CNGA1: variants seen among roughly 807,000 people sequenced by gnomAD.
The protein encoded by CNGA1 is cyclic nucleotide-gated channel alpha-1.
Under a neutral mutation model 69.7 loss-of-function variants are expected in CNGA1, and 53 were observed. The observed-to-expected ratio is 0.76, with a 90% CI of 0.61 to 0.96. The LOEUF is 0.96. Among genes scored for constraint, CNGA1 ranks in the 40% least tolerant of loss-of-function variants. The probability of loss-of-function intolerance (pLI) is 0.00; values close to 1 mark genes in which losing one functional copy is unlikely to be tolerated. For missense variants in CNGA1, 739 were observed against 811.2 expected (o/e 0.91, Z 1.08); for synonymous variants, 249 against 283.5 (o/e 0.88, Z 1.22).
intron 2 of CNGA1, among the ~76,000 whole-genome samples, chr4:47,992,208 G>A (rs1406376007): frequency 6.6e-6 from 1 of 151,906 alleles, no homozygotes. Flanking sequence ...GAAGAATGAT[G>A]GTGGTATTTT....
At chr4:47,978,181 T>C (rs1741517119) in intron 3 of CNGA1, among the ~76,000 whole-genome samples, 1 of 152,202 alleles carries the variant, frequency 6.6e-6, no homozygotes, top group Non-Finnish European at 1.5e-5. Flanking sequence ...GTACAGTGTA[T>C]ACATTTATTA....
intron 2 of CNGA1, among the ~76,000 whole-genome samples, chr4:47,990,411 C>T (rs1185644974): frequency 6.6e-6 from 1 of 152,108 alleles, no homozygotes. Flanking sequence ...GCAGTACCCT[C>T]AGGCTTACTG....
At chr4:47,994,605 G>A (rs1315258458) in intron 2 of CNGA1, among the ~76,000 whole-genome samples, 1 of 152,092 alleles carries the variant, frequency 6.6e-6, no homozygotes, top group Non-Finnish European at 1.5e-5. Context: ...ACAGTTGGTT[G>A]GTGAATTCTT....
At chr4:47,987,595 C>G (rs1032401803) in intron 2 of CNGA1, among the ~76,000 whole-genome samples, 3 of 152,026 alleles carry the variant, frequency 2.0e-5, no homozygotes, top group African/African-American at 7.2e-5. Context: ...ATTGCAGAGT[C>G]AATAGGTAAC....
At chr4:47,989,728 AT>A (rs1325500129) in intron 2 of CNGA1, among the ~76,000 whole-genome samples, 1 of 151,748 alleles carries the variant, frequency 6.6e-6, no homozygotes, top group Non-Finnish European at 1.5e-5. Flanking sequence ...GATTTGTGAG[AT>A]TTCATTGCAC....
intron 3 of CNGA1, among the ~76,000 whole-genome samples, chr4:47,975,591 G>A (rs1445117837): frequency 6.6e-6 from 1 of 152,086 alleles, no homozygotes; most frequent in African/African-American, 2.4e-5. Context: ...AAACACCAGA[G>A]CATGTAAGCA....
At chr4:47,988,785 A>G (rs1742104178) in intron 2 of CNGA1, among the ~76,000 whole-genome samples, 1 of 152,154 alleles carries the variant, frequency 6.6e-6, no homozygotes, top group Non-Finnish European at 1.5e-5. Flanking sequence ...ACATTTATTT[A>G]GTACCTATTA....
At chr4:47,946,854 G>A (rs1258740959) in intron 6 of CNGA1, among the ~76,000 whole-genome samples, 9 of 151,964 alleles carry the variant, frequency 5.9e-5, no homozygotes, top group African/African-American at 7.3e-5. Flanking sequence ...GCACAATCTC[G>A]GCTCACTGCA....
At chr4:47,983,830 A>G (rs1476420544) in intron 2 of CNGA1, among the ~76,000 whole-genome samples, 1 of 152,194 alleles carries the variant, frequency 6.6e-6, no homozygotes, top group East Asian at 1.9e-4. Context: ...CATCTTTTGA[A>G]GAAGAAAATG....
At chr4:47,984,930 A>G (rs1202509519) in intron 2 of CNGA1, among the ~76,000 whole-genome samples, 1 of 152,076 alleles carries the variant, frequency 6.6e-6, no homozygotes. Flanking sequence ...AGCCTCTCTA[A>G]TGCCAACTGT....
intron 2 of CNGA1, among the ~76,000 whole-genome samples, chr4:48,003,093 G>A (rs1714735931): frequency 6.6e-6 from 1 of 152,160 alleles, no homozygotes; most frequent in Non-Finnish European, 1.5e-5. Flanking sequence ...TGTGCCCAAG[G>A]TGGTCAGAGC....
Position 47,943,382 on chromosome 4 carries a change from T to TTTTTTC in CNGA1, c.312_317dup (p.Lys105_Lys106dup). On this transcript the variant is annotated inframe_insertion, in exon 7 of 11. Transcript: ENST00000514170. ...TGCCAAAGTCTTACCTCTTCTTTTC[T>TTTTTTC]TTTTTCTTTTTCTTTTTTTCTTCTG... 6.6e-7 allele frequency: 1 copy of TTTTTTC among 1,518,736 alleles called. No homozygotes were observed. Among genetic ancestry groups the TTTTTTC allele is most frequent in the South Asian group, 1.3e-5 (1 of 77,206 alleles). 94.1% of individuals were successfully genotyped at this position (1,518,736 alleles called of 1,614,324 possible).
intron 3 of CNGA1, among the ~76,000 whole-genome samples, chr4:47,967,046 T>A (rs1192575773): frequency 6.6e-6 from 1 of 152,168 alleles, no homozygotes; most frequent in African/African-American, 2.4e-5. Context: ...CTCACACCTG[T>A]AATCCCAGCA....
At chr4:48,013,211 G>C (rs999079831) in intron 1 of CNGA1, among the ~76,000 whole-genome samples, 2 of 152,176 alleles carry the variant, frequency 1.3e-5, no homozygotes, top group African/African-American at 2.4e-5. Context: ...ACTGATAAGA[G>C]GTTTGCCAAA....
intron 2 of CNGA1, among the ~76,000 whole-genome samples, chr4:47,996,233 A>T (rs552899400): frequency 6.6e-6 from 1 of 152,184 alleles, no homozygotes; most frequent in South Asian, 2.1e-4. Flanking sequence ...CCCTCCTCTT[A>T]GGGAGTAAGT....
At chr4:47,991,125 G>A (rs984549815) in intron 2 of CNGA1, among the ~76,000 whole-genome samples, 6 of 152,196 alleles carry the variant, frequency 3.9e-5, no homozygotes, top group Non-Finnish European at 8.8e-5. Flanking sequence ...GCATGAGTGT[G>A]CAAGTATCCT....
intron 2 of CNGA1, among the ~76,000 whole-genome samples, chr4:48,005,016 G>C (rs1714850886): frequency 6.6e-6 from 1 of 152,138 alleles, no homozygotes; most frequent in Admixed American, 6.5e-5. Flanking sequence ...CTAAGAACAG[G>C]TGTACTATAG....
At position 47,941,898 on chromosome 4, in the gene CNGA1, A is replaced by G. The variant is rs1329346514; in HGVS notation, c.545+143T>C. 6.2e-6 allele frequency: 4 copies of G among 645,680 alleles called. No homozygotes were observed. The Admixed American group carries it at 1.1e-4, about 18-fold the overall frequency. 40.0% of individuals were successfully genotyped at this position (645,680 alleles called of 1,614,324 possible). On this transcript the variant is annotated intron_variant, in intron 9 of 10. Coordinates refer to ENST00000514170, the MANE Select transcript of CNGA1 (RefSeq NM_001379270.1). Reference sequence around the variant, plus strand: ...CCTGATCCCAGGAAAACACACTGAGAATAATCTAGCCTCTCTTTACCACCT... The same window carrying G: ...CCTGATCCCAGGAAAACACACTGAGGATAATCTAGCCTCTCTTTACCACCT...
At chr4:47,942,012 CAAAA>C (rs10709670) in intron 9 of CNGA1, 25 bp downstream of exon 9, 399 of 1,164,568 alleles carry the variant, frequency 3.4e-4, no homozygotes, top group Non-Finnish European at 4.0e-4. Context: ...GTGAGATCCA[CAAAA>C]AAAAAAAAAA....
Sources: gnomAD v4.1 joint callset for allele counts (sites outside exome capture counted in the v4.1 genomes callset) on GRCh38, gnomAD v4.1.1 for gene constraint, MANE v1.5 for transcripts, NCBI Gene and HGNC (gene_info 2026-07-23, HGNC 2026-07-21) for gene names.